GGT5: variants seen among roughly 807,000 people sequenced by gnomAD.
GGT5 encodes the protein gamma-glutamyltransferase 5.
In GGT5, 50 loss-of-function variants were observed where a neutral mutation model predicts 58.1. The ratio of observed to expected loss-of-function variants is 0.86; its 90% CI spans 0.69 to 1.09. GGT5 has a LOEUF of 1.09. GGT5 is among the 50% of genes least tolerant of loss of function. The probability of loss-of-function intolerance (pLI) is 0.00; values close to 1 mark genes in which losing one functional copy is unlikely to be tolerated. For missense variants in GGT5, 800 were observed against 789.4 expected, an observed-to-expected ratio of 1.01 and a Z score of -0.16; for synonymous variants, 370 against 346.1, an observed-to-expected ratio of 1.07 and a Z score of -0.77.
At chr22:24,226,432 A>T (rs1241655320) in intron 7 of GGT5, among the ~76,000 whole-genome samples, 166 bp from the exon 8 acceptor site, 1 of 152,144 alleles carries the variant, frequency 6.6e-6, no homozygotes, top group African/African-American at 2.4e-5. Flanking sequence ...CTCACCCTCC[A>T]GGTCCTTTGA....
intron 6 of GGT5, among the ~76,000 whole-genome samples, chr22:24,229,982 C>T (rs1015741433): frequency 9.9e-5 from 15 of 152,100 alleles, no homozygotes; most frequent in African/African-American, 3.6e-4. Context: ...CCTGGAATCC[C>T]AGCACTTTGG....
rs555081910 is a variant in GGT5, at chr22:24,222,359, C to T, written c.1615-2243G>A. On this transcript the variant is annotated intron_variant, in intron 11 of 11. Transcript: ENST00000327365. ...AGCCCTGCACGTTTGGCTATGAGTT[C>T]CCCATGCCTGACCTACTAATTGCCC... Among the ~76,000 whole-genome samples, 45 of 152,212 alleles carry T rather than the reference C, an allele frequency of 3.0e-4. 1 individual carries two copies. In the South Asian group the frequency reaches 8.7e-3, roughly 29 times the overall value.
intron 11 of GGT5, among the ~76,000 whole-genome samples, chr22:24,222,234 G>A (rs1243226702): frequency 2.0e-5 from 3 of 151,950 alleles, no homozygotes; most frequent in Non-Finnish European, 2.9e-5. Flanking sequence ...CTAATGGCCC[G>A]AGAACCTCAC....
chr22:24,225,220 C>T (rs1366182504), intron 10 of GGT5, 25 bp downstream of exon 10: 2 of 1,610,164 alleles, frequency 1.2e-6, no homozygotes, highest in Non-Finnish European at 1.7e-6. Flanking sequence ...AGAGGAGACA[C>T]TCGAGCCAGG....
At position 24,232,830 on chromosome 22, in the gene GGT5, T is replaced by C; in HGVS notation, c.589A>G (p.Thr197Ala). 6.5e-7 allele frequency: 1 copy of C among 1,528,944 alleles called. No homozygotes were observed. Among genetic ancestry groups the C allele is most frequent in the Non-Finnish European group, 8.8e-7 (1 of 1,132,702 alleles). 94.7% of individuals were successfully genotyped at this position (1,528,944 alleles called of 1,614,324 possible). Residue 197 changes from threonine to alanine, a missense_variant, in exon 4 of 12, where the codon ACC (threonine) becomes GCC (alanine). Thr to Ala is a moderately conservative substitution (Grantham distance 58, BLOSUM62 0). Coordinates refer to ENST00000327365, the MANE Select transcript of GGT5 (RefSeq NM_004121.5). ...CCACCATGTGGGGCTCACCGCAGGG[T>C]TGACGCCTGCAAGGAAGGCCGCAGG... ...SILRPSLQAS[T>A]LRQLFFNGTE... is the part of the protein sequence containing the mutation.
Position 24,225,547 on chromosome 22 carries a change from AG to A in GGT5, c.1334del (p.Pro445LeufsTer2). 6.2e-7 allele frequency: 1 copy of A among 1,605,860 alleles called. No individual in the cohort carries two copies. The highest frequency in any genetic ancestry group is 2.2e-5 in the East Asian group (1 of 44,830). Reference sequence around the variant, plus strand: ...CCGGGTGGGAAGCTTTGTTCTCACCAGGTGAGGGGGTGGTGCCGGAACCCCG... The same window carrying A: ...CCGGGTGGGAAGCTTTGTTCTCACCAGTGAGGGGGTGGTGCCGGAACCCCG... The part of the protein sequence containing the change: ...CPRGSGTTPS[P>X]VSGDRVGGAP... On this transcript the variant is annotated frameshift_variant and splice_region_variant, in exon 9 of 12. Transcript: ENST00000327365. LOFTEE classifies it high-confidence loss of function.
In GGT5 at chr22:24,232,961, C is replaced by T. The variant is rs373209437; in HGVS notation, c.458G>A (p.Arg153His). 2.0e-5 allele frequency: 31 copies of T among 1,563,248 alleles called. No individual in the cohort carries two copies. Among genetic ancestry groups the T allele is most frequent in the South Asian group, 5.9e-5 (5 of 84,980 alleles). The change falls in exon 4 of 12, where the codon CGC (arginine) becomes CAC (histidine). Residue 153 changes from arginine (R) to histidine (H), a missense_variant. By Grantham distance (29) the Arg-to-His change is conservative (BLOSUM62 0). Coordinates refer to ENST00000327365, the MANE Select transcript of GGT5 (RefSeq NM_004121.5). ...ELRGYAEAHRRHGRLPWAQLF... is the reference protein window; with the variant it reads ...ELRGYAEAHRHHGRLPWAQLF... ...CTGCGCCCAGGGCAGGCGGCCATGG[C>T]GGCGGTGGGCCTCGGCATAGCCACG...
intron 11 of GGT5, 57 bp from the exon 12 acceptor site, chr22:24,220,173 G>A (rs1450396448): frequency 4.6e-6 from 7 of 1,533,536 alleles, no homozygotes; most frequent in African/African-American, 1.4e-5. Context: ...ATCTCCAGGA[G>A]GGAGAGGCCT....
chr22:24,224,517 C>CAA lies in GGT5; in HGVS notation c.1614+477_1614+478dup, dbSNP rs575269473. Among the ~76,000 whole-genome samples, 29 of 136,540 alleles carry CAA rather than the reference C, an allele frequency of 2.1e-4. No homozygotes were observed. The South Asian group carries it at 5.0e-3, about 24-fold the overall frequency. The allele number at this position is 136,540 out of a possible 152,430, so 89.6% of individuals were successfully genotyped here. On this transcript the variant is annotated intron_variant, in intron 11 of 11. Transcript: ENST00000327365. ...TGGGCAACAGAGTGAGATGCTGTCT[C>CAA]AAAAAAAAAAAAAATTATATATATA...
intron 7 of GGT5, 83 bp from the exon 8 acceptor site, chr22:24,226,349 A>T: frequency 9.1e-6 from 10 of 1,103,532 alleles, no homozygotes; most frequent in Non-Finnish European, 1.3e-5. Flanking sequence ...ATCAGCCCCC[A>T]TGGGGGCCAC....
At position 24,244,591 on chromosome 22, in the gene GGT5, A is replaced by G; in HGVS notation, c.135T>C (p.Ala45=). 1.2e-6 allele frequency: 2 copies of G among 1,612,502 alleles called. No individual in the cohort carries two copies. The highest frequency in any genetic ancestry group is 1.7e-6 in the Non-Finnish European group (2 of 1,179,864). The change falls in exon 1 of 12, where the codon GCT becomes GCC. Residue 45 remains alanine, a synonymous_variant. Coordinates refer to ENST00000327365, the MANE Select transcript of GGT5 (RefSeq NM_004121.5). ...PCGPQAFAHA[A]VAADSKVCSD... ...AGCAGACCTTGGAGTCGGCGGCAAC[A>G]GCAGCGTGGGCAAAGGCCTGGGGGC...
At chr22:24,234,029 T>C in intron 1 of GGT5, 25 bp from the exon 2 acceptor site, 1 of 1,582,306 alleles carries the variant, frequency 6.3e-7, no homozygotes. Flanking sequence ...ACAGAGTCGC[T>C]GTGGGGCTCC....
At position 24,225,585 on chromosome 22, in the gene GGT5, C is replaced by T. The variant is rs374828667; in HGVS notation, c.1297G>A (p.Glu433Lys). 1.5e-5 allele frequency: 24 copies of T among 1,613,274 alleles called. No homozygotes were observed. The highest frequency in any genetic ancestry group is 6.7e-5 in the East Asian group (3 of 44,888). ...ILNNELLDLC[E>K]RCPRGSGTTP... ...GTGCCGGAACCCCGGGGGCATCGCT[C>T]GCATAAGTCCAGGAGCTCGTTGTTG... The change falls in exon 9 of 12, where the codon GAG becomes AAG. Residue 433 changes from glutamate to lysine, a missense_variant. Transcript: ENST00000327365.
chr22:24,226,145 C>A lies in GGT5; in HGVS notation c.1160G>T (p.Gly387Val), dbSNP rs779369305. The A allele has an allele frequency of 7.4e-6, 12 of 1,611,212 alleles. No individual in the cohort carries two copies. Among genetic ancestry groups the A allele is most frequent in the Non-Finnish European group, 1.0e-5 (12 of 1,179,754 alleles). ...SLAEAWGHGT[G>V]TSHVSVLGED... ...CCCCAGCACAGACACATGGGACGTG[C>A]CTGTCCCGTGGCCCCAGGCCTCGGC... Residue 387 changes from glycine (G) to valine (V), a missense_variant, in exon 8 of 12, where the codon GGC becomes GTC. Coordinates refer to ENST00000327365, the MANE Select transcript of GGT5 (RefSeq NM_004121.5).
intron 11 of GGT5, 100 bp from the exon 12 acceptor site, chr22:24,220,216 A>G: frequency 8.5e-7 from 1 of 1,174,868 alleles, no homozygotes; most frequent in Non-Finnish European, 1.2e-6. Context: ...TCAAAAGGCA[A>G]GACGGAGAGG....
rs906893823 is a variant in GGT5, at chr22:24,243,560, C to T, written c.173+993G>A. 1.3e-5 allele frequency: 2 copies of T among 152,268 alleles called. 1 individual carries two copies. The highest frequency in any genetic ancestry group is 2.9e-5 in the Non-Finnish European group (2 of 68,070). 9.4% of individuals were successfully genotyped at this position (152,268 alleles called of 1,614,324 possible). On this transcript the variant is annotated intron_variant, in intron 1 of 11. Coordinates refer to ENST00000327365, the MANE Select transcript of GGT5 (RefSeq NM_004121.5). ...GCTTTAATTTACAAAGCACTGGGAT[C>T]CTCCCAACAGCCTGCAAGACAGAAC...
chr22:24,244,359 ACACACACC>A (rs1569379202), intron 1 of GGT5, 186 bp downstream of exon 1: 1 of 596,754 alleles, frequency 1.7e-6, no homozygotes, highest in East Asian at 2.8e-5. Context: ...ACACACATTC[ACACACACC>A]CACACTCCCC....
intron 9 of GGT5, 62 bp from the exon 10 acceptor site, chr22:24,225,473 C>T: frequency 1.3e-6 from 2 of 1,599,492 alleles, no homozygotes; most frequent in Non-Finnish European, 1.7e-6. Flanking sequence ...CATGCAACCC[C>T]AGCCCAGCCC....
intron 3 of GGT5, 46 bp from the exon 4 acceptor site, chr22:24,233,064 C>G: frequency 7.3e-7 from 1 of 1,378,468 alleles, no homozygotes; most frequent in Non-Finnish European, 9.6e-7. Context: ...TCCAGGCCTT[C>G]CCAGGTTTGC....
Sources: allele counts gnomAD v4.1 joint callset (sites outside exome capture counted in the v4.1 genomes callset), GRCh38; gene constraint gnomAD v4.1.1; transcripts MANE v1.5; gene names NCBI Gene and HGNC (gene_info 2026-07-23, HGNC 2026-07-21).